LHFPL3: variants seen among roughly 807,000 people sequenced by gnomAD.
LHFPL3 encodes LHFPL tetraspan subfamily member 3 protein.
In LHFPL3, 5 loss-of-function variants were observed where a neutral mutation model predicts 19.3. The ratio of observed to expected loss-of-function variants is 0.26; its 90% CI spans 0.14 to 0.54. LHFPL3 has a LOEUF of 0.54. Among genes scored for constraint, LHFPL3 ranks in the 20% least tolerant of loss-of-function variants. The probability of loss-of-function intolerance (pLI) is 0.94; values close to 1 mark genes in which losing one functional copy is unlikely to be tolerated. For synonymous variants in LHFPL3, 133 were observed against 126.2 expected (o/e 1.05, Z -0.36); for missense variants, 249 against 307.4 (o/e 0.81, Z 1.42).
intron 1 of LHFPL3, among the ~76,000 whole-genome samples, chr7:104,588,664 G>A (rs926379061): frequency 6.6e-6 from 1 of 152,174 alleles, no homozygotes; most frequent in African/African-American, 2.4e-5. Context: ...AAAGTCATTG[G>A]TAGCTTGATG....
intron 1 of LHFPL3, among the ~76,000 whole-genome samples, chr7:104,548,465 A>G (rs977148244): frequency 6.6e-6 from 1 of 152,218 alleles, no homozygotes; most frequent in Admixed American, 6.5e-5. Flanking sequence ...TTTGCCATCA[A>G]GTTCCACGTC....
intron 2 of LHFPL3, among the ~76,000 whole-genome samples, chr7:104,841,493 G>GGTGTGTGTGT (rs66894221): frequency 2.8e-5 from 4 of 140,836 alleles, no homozygotes; most frequent in African/African-American, 1.1e-4. Context: ...CATTATGTGG[G>GGTGTGTGTGT]GTGTGTGTGT....
chr7:104,344,246 TTTTA>T (rs1454336535), intron 1 of LHFPL3, among the ~76,000 whole-genome samples: 3 of 152,252 alleles, frequency 2.0e-5, no homozygotes, highest in South Asian at 2.1e-4. Flanking sequence ...GATGCTAATA[TTTTA>T]TTTATTATTT....
At chr7:104,786,653 G>A (rs1245236953) in intron 2 of LHFPL3, 3 of 150,616 alleles carry the variant, frequency 2.0e-5, no homozygotes, top group African/African-American at 7.4e-5. Flanking sequence ...AAAGTTCCTG[G>A]TCCTGTCAAA....
chr7:104,685,891 G>C (rs941275317), intron 1 of LHFPL3, among the ~76,000 whole-genome samples: 2 of 152,188 alleles, frequency 1.3e-5, no homozygotes, highest in African/African-American at 4.8e-5. Flanking sequence ...CAAAGTAATG[G>C]ATGGTCAAAG....
At chr7:104,738,580 T>A (rs1793873439) in intron 2 of LHFPL3, 2 of 152,012 alleles carry the variant, frequency 1.3e-5, no homozygotes, top group African/African-American at 2.4e-5. Flanking sequence ...GAGAAAAAAA[T>A]TCACAAGAAG....
intron 1 of LHFPL3, among the ~76,000 whole-genome samples, chr7:104,592,623 T>C (rs1317754968): frequency 6.6e-6 from 1 of 152,132 alleles, no homozygotes; most frequent in Non-Finnish European, 1.5e-5. Flanking sequence ...CACTATTCTC[T>C]TCAAAGCTGT....
At chr7:104,463,523 G>C (rs1792716238) in intron 1 of LHFPL3, among the ~76,000 whole-genome samples, 1 of 152,150 alleles carries the variant, frequency 6.6e-6, no homozygotes. Context: ...ACACAAGACT[G>C]GGTAACTTAT....
chr7:104,388,094 A>G (rs1397073391), intron 1 of LHFPL3, among the ~76,000 whole-genome samples: 1 of 152,082 alleles, frequency 6.6e-6, no homozygotes, highest in Non-Finnish European at 1.5e-5. Flanking sequence ...AGGTCCATCC[A>G]TGTTGCTTCA....
chr7:104,786,050 G>A (rs1789905082), intron 2 of LHFPL3, among the ~76,000 whole-genome samples: 1 of 152,164 alleles, frequency 6.6e-6, no homozygotes, highest in African/African-American at 2.4e-5. Context: ...TGTGTGGAAA[G>A]ACCGTCCACT....
At chr7:104,520,133 T>G (rs534100866) in intron 1 of LHFPL3, among the ~76,000 whole-genome samples, 583 of 152,130 alleles carry the variant, frequency 3.8e-3, no homozygotes, top group Admixed American at 6.0e-3. Flanking sequence ...CAATACCTAA[T>G]TTATTGAGAG....
intron 2 of LHFPL3, chr7:104,845,246 A>C (rs1791291532): frequency 3.0e-6 from 2 of 670,484 alleles, no homozygotes; most frequent in Non-Finnish European, 5.4e-6. Flanking sequence ...GTATGTGCAG[A>C]GAATCACCAA....
At chr7:104,862,825 G>C (rs1038904474) in intron 2 of LHFPL3, among the ~76,000 whole-genome samples, 5 of 152,164 alleles carry the variant, frequency 3.3e-5, no homozygotes, top group African/African-American at 1.2e-4. Flanking sequence ...TTCATTCCAC[G>C]GGAGAGTCAA....
At chr7:104,508,550 G>A (rs1174549689) in intron 1 of LHFPL3, among the ~76,000 whole-genome samples, 1 of 151,206 alleles carries the variant, frequency 6.6e-6, no homozygotes. Flanking sequence ...CACGGCACAT[G>A]TATACATATG....
chr7:104,353,624 T>C (rs1790220227), intron 1 of LHFPL3, among the ~76,000 whole-genome samples: 1 of 152,238 alleles, frequency 6.6e-6, no homozygotes, highest in South Asian at 2.1e-4. Context: ...CCTGTTAACC[T>C]GAAGTTAAAT....
rs181437425 is a variant in LHFPL3, at chr7:104,434,799, A to T, written c.445+105575A>T. Among the ~76,000 whole-genome samples the T allele has an allele frequency of 7.4e-4, 113 of 152,338 alleles. No individual in the cohort carries two copies. In the Middle Eastern group the frequency reaches 0.01, roughly 14 times the overall value. On this transcript the variant is annotated intron_variant, in intron 1 of 2. Transcript: ENST00000424859. ...ACATGCAAGATAGCCGTGTGCTCAG[A>T]AAGCTATTATGAAAGATCACATTTC...
intron 1 of LHFPL3, among the ~76,000 whole-genome samples, chr7:104,528,614 T>C (rs1277300578): frequency 1.3e-5 from 2 of 152,144 alleles, no homozygotes; most frequent in African/African-American, 4.8e-5. Flanking sequence ...TTATAATATA[T>C]AATTAAGGCT....
At chr7:104,437,759 C>T (rs1442718604) in intron 1 of LHFPL3, among the ~76,000 whole-genome samples, 1 of 152,186 alleles carries the variant, frequency 6.6e-6, no homozygotes, top group Non-Finnish European at 1.5e-5. Context: ...TCCATACTGT[C>T]TCTGGGGGCC....
chr7:104,383,799 G>C (rs1049761037), intron 1 of LHFPL3, among the ~76,000 whole-genome samples: 1 of 152,092 alleles, frequency 6.6e-6, no homozygotes, highest in Non-Finnish European at 1.5e-5. Context: ...CCTTGTTAGG[G>C]GGAGTGAAGA....
Sources: gnomAD v4.1 joint callset for allele counts (sites outside exome capture counted in the v4.1 genomes callset) on GRCh38, gnomAD v4.1.1 for gene constraint, MANE v1.5 for transcripts, NCBI Gene and HGNC (gene_info 2026-07-23, HGNC 2026-07-21) for gene names.